ZCCHC24: variants seen among roughly 807,000 people sequenced by gnomAD.
The protein encoded by ZCCHC24 is zinc finger CCHC domain-containing protein 24.
A neutral mutation model predicts 26.2 loss-of-function variants in ZCCHC24; 10 were observed. That is an observed-to-expected ratio of 0.38 (90% CI 0.24 to 0.65). The LOEUF (loss-of-function observed/expected upper bound fraction) is 0.65. Ranked by LOEUF, ZCCHC24 falls within the 30% of genes least tolerant of loss-of-function variation. The pLI is 0.54. For missense variants in ZCCHC24, 243 were observed against 329.1 expected, an observed-to-expected ratio of 0.74 and a Z score of 2.03; for synonymous variants, 144 against 147.1, an observed-to-expected ratio of 0.98 and a Z score of 0.15.
chr10:79,410,942 G>A (rs911068329), intron 2 of ZCCHC24, among the ~76,000 whole-genome samples: 2 of 152,164 alleles, frequency 1.3e-5, no homozygotes, highest in East Asian at 1.9e-4. Flanking sequence ...AATCAGCTGC[G>A]GGGCTGTGGG....
chr10:79,399,395 G>A (rs1856599113), intron 2 of ZCCHC24, among the ~76,000 whole-genome samples: 1 of 152,210 alleles, frequency 6.6e-6, no homozygotes, highest in South Asian at 2.1e-4. Flanking sequence ...CAGCACTGCA[G>A]GGGCCACCAC....
chr10:79,422,868 G>A (rs924893876), intron 2 of ZCCHC24, among the ~76,000 whole-genome samples: 5 of 152,308 alleles, frequency 3.3e-5, no homozygotes, highest in African/African-American at 1.2e-4. Context: ...TGATGGAAAC[G>A]GGTTCTAGAG....
intron 3 of ZCCHC24, among the ~76,000 whole-genome samples, chr10:79,387,103 A>G (rs1377141628): frequency 6.6e-6 from 1 of 151,358 alleles, no homozygotes; most frequent in Non-Finnish European, 1.5e-5. Context: ...GTGTTGATTG[A>G]CCCCCACATC....
In ZCCHC24 at chr10:79,425,461, G is replaced by A. The variant is rs139656641; in HGVS notation, c.447+7097C>T. On this transcript the variant is annotated intron_variant, in intron 2 of 3. Transcript: ENST00000372336. ...TTGTCCTTGACCCTCTCTACTTCCA[G>A]TCATCTATCTTTTTAAAGAACCCTG... is the stretch of plus-strand genomic sequence containing the variant. 4.3e-3 allele frequency among the ~76,000 whole-genome samples: 657 copies of A among 152,304 alleles called. 3 individuals carry two copies. The highest frequency in any genetic ancestry group is 0.014 in the Middle Eastern group (4 of 294).
At chr10:79,444,050 C>T (rs1857324127) in intron 1 of ZCCHC24, 1 of 1,518,336 alleles carries the variant, frequency 6.6e-7, no homozygotes, top group South Asian at 1.3e-5. Flanking sequence ...CCCTTGCGTA[C>T]ATAGGCTTTC....
intron 2 of ZCCHC24, among the ~76,000 whole-genome samples, chr10:79,417,498 C>T (rs578086042): frequency 1.3e-5 from 2 of 152,316 alleles, no homozygotes; most frequent in South Asian, 4.1e-4. Context: ...GACCCCCATC[C>T]GTTGTTGTGG....
At position 79,445,444 on chromosome 10, in the gene ZCCHC24, G is replaced by C; in HGVS notation, c.-4C>G. 6.9e-7 allele frequency: 1 copy of C among 1,445,590 alleles called. No individual in the cohort carries two copies. Among genetic ancestry groups the C allele is most frequent in the Non-Finnish European group, 9.2e-7 (1 of 1,091,734 alleles). The allele number at this position is 1,445,590 out of a possible 1,614,324, so 89.5% of individuals were successfully genotyped here. ...CGATGGCCGACAGCAGGCTCATTTT[G>C]TGGCGGCGGTGCCGGCCCCTCCCCG... On this transcript the variant is annotated 5_prime_UTR_variant, in exon 1 of 4. Coordinates refer to ENST00000372336, the MANE Select transcript of ZCCHC24 (RefSeq NM_153367.4).
chr10:79,396,833 C>T (rs1279400052), intron 2 of ZCCHC24, among the ~76,000 whole-genome samples: 1 of 152,216 alleles, frequency 6.6e-6, no homozygotes, highest in Non-Finnish European at 1.5e-5. Flanking sequence ...CAGATCCCAG[C>T]TCTGTGATCT....
intron 2 of ZCCHC24, among the ~76,000 whole-genome samples, chr10:79,394,921 A>T (rs1856525528): frequency 6.6e-6 from 1 of 151,818 alleles, no homozygotes; most frequent in African/African-American, 2.4e-5. Context: ...GGCAATCTAA[A>T]TTCCCTCACA....
At chr10:79,417,696 G>T (rs1414613965) in intron 2 of ZCCHC24, among the ~76,000 whole-genome samples, 3 of 152,174 alleles carry the variant, frequency 2.0e-5, no homozygotes, top group Non-Finnish European at 4.4e-5. Context: ...CCAGGTGAGT[G>T]TAAGAACCCA....
At chr10:79,433,261 G>A (rs970623217) in intron 1 of ZCCHC24, among the ~76,000 whole-genome samples, 3 of 152,172 alleles carry the variant, frequency 2.0e-5, no homozygotes, top group African/African-American at 7.2e-5. Context: ...GTCAGCTTGC[G>A]GCATTGCTCC....
chr10:79,396,769 G>A (rs1349603344), intron 2 of ZCCHC24, among the ~76,000 whole-genome samples: 5 of 152,224 alleles, frequency 3.3e-5, no homozygotes, highest in Non-Finnish European at 5.9e-5. Flanking sequence ...TTTCCTTGGG[G>A]AACTGCCCAT....
At chr10:79,423,597 A>ATATACTATATATATATTT (rs1856983827) in intron 2 of ZCCHC24, among the ~76,000 whole-genome samples, 2 of 119,794 alleles carry the variant, frequency 1.7e-5, no homozygotes, top group Non-Finnish European at 1.8e-5. Flanking sequence ...ATATATATAT[A>ATATACTATATATATATTT]TATATATATA....
intron 2 of ZCCHC24, among the ~76,000 whole-genome samples, chr10:79,418,805 A>G (rs1172105490): frequency 6.6e-6 from 1 of 152,154 alleles, no homozygotes; most frequent in Non-Finnish European, 1.5e-5. Context: ...GAGGGCCTTA[A>G]AACCAGGTTC....
At chr10:79,408,872 C>T (rs1412663281) in intron 2 of ZCCHC24, among the ~76,000 whole-genome samples, 1 of 152,224 alleles carries the variant, frequency 6.6e-6, no homozygotes, top group Non-Finnish European at 1.5e-5. Flanking sequence ...AAGCCCCTTC[C>T]CTGCCTGGGT....
In ZCCHC24 at chr10:79,395,368, G is replaced by A. The variant is rs142279050; in HGVS notation, c.448-928C>T. Among the ~76,000 whole-genome samples the A allele has an allele frequency of 7.5e-4, 115 of 152,326 alleles. 1 individual carries two copies. The Middle Eastern group carries it at 0.01, about 14-fold the overall frequency. On this transcript the variant is annotated intron_variant, in intron 2 of 3. Transcript: ENST00000372336. ...ATTTTAGAACATCTAGCTTGTTTCT[G>A]TTCTCCCATTATTACAAACAATGCT...
chr10:79,411,697 G>GC (rs1431126418), intron 2 of ZCCHC24, among the ~76,000 whole-genome samples: 2 of 152,172 alleles, frequency 1.3e-5, no homozygotes, highest in Admixed American at 6.5e-5. Context: ...CCTGTGAGAG[G>GC]CAGGGCCAAG....
chr10:79,433,260 C>T (rs1356901587), intron 1 of ZCCHC24, among the ~76,000 whole-genome samples: 1 of 152,180 alleles, frequency 6.6e-6, no homozygotes, highest in East Asian at 1.9e-4. Flanking sequence ...TGTCAGCTTG[C>T]GGCATTGCTC....
chr10:79,403,874 G>C (rs1309973612), intron 2 of ZCCHC24, among the ~76,000 whole-genome samples: 2 of 152,076 alleles, frequency 1.3e-5, no homozygotes, highest in East Asian at 1.9e-4. Flanking sequence ...CCTGGGGAGG[G>C]GGGCATGGAG....
Sources: allele counts gnomAD v4.1 joint callset (sites outside exome capture counted in the v4.1 genomes callset), GRCh38; gene constraint gnomAD v4.1.1; transcripts MANE v1.5; gene names NCBI Gene and HGNC (gene_info 2026-07-23, HGNC 2026-07-21).